Variants in LRRC37A2 observed in about 807,000 individuals in gnomAD.
LRRC37A2 encodes leucine-rich repeat-containing protein 37A2.
In LRRC37A2, 9 loss-of-function variants were observed where a neutral mutation model predicts 68.8. That is an observed-to-expected ratio of 0.13 (90% confidence interval 0.08 to 0.23). The LOEUF is 0.23. Among genes scored for constraint, LRRC37A2 ranks in the 10% least tolerant of loss-of-function variants. LRRC37A2 has a pLI of 1.00. For synonymous variants in LRRC37A2, 63 were observed against 367.6 expected (o/e 0.17, Z 9.48); for missense variants, 168 against 950.4 (o/e 0.18, Z 10.82).
At chr17:46,944,766 A>AT in the LRRC37A2 span, among the ~76,000 whole-genome samples, 1 of 151,798 alleles carries the variant, frequency 6.6e-6, no homozygotes, top group Admixed American at 6.6e-5. Flanking sequence ...CGCCCGGCTA[A>AT]TTTTTGTATT....
chr17:46,719,098 A>AT, the LRRC37A2 span, among the ~76,000 whole-genome samples: 5 of 152,226 alleles, frequency 3.3e-5, no homozygotes, highest in Admixed American at 2.6e-4. The surrounding 1 kb of genome is among the most constrained non-coding windows in gnomAD (Gnocchi z 4.3). Context: ...TTATTAAAAT[A>AT]TTTTTTGCCA....
chr17:46,844,910 G>A, the LRRC37A2 span, among the ~76,000 whole-genome samples: 27,146 of 151,794 alleles, frequency 0.18, 3,131 homozygotes, highest in East Asian at 0.5. Context: ...TGCAATGGTG[G>A]GATCTCTGCT....
the LRRC37A2 span, among the ~76,000 whole-genome samples, chr17:46,845,618 T>G: frequency 6.6e-6 from 1 of 150,510 alleles, no homozygotes; most frequent in African/African-American, 2.5e-5. Flanking sequence ...GCCTCCCGAG[T>G]AGCTGGGGAC....
chr17:46,605,470 A>G, the LRRC37A2 span, among the ~76,000 whole-genome samples: 1 of 150,492 alleles, frequency 6.6e-6, no homozygotes, highest in Non-Finnish European at 1.5e-5. Context: ...AAAAGCTGTC[A>G]GAGAAAAAAG....
the LRRC37A2 span, among the ~76,000 whole-genome samples, chr17:46,871,294 T>C: frequency 1.3e-5 from 2 of 152,136 alleles, no homozygotes; most frequent in Non-Finnish European, 2.9e-5. Flanking sequence ...ATGATGTATA[T>C]TCCACCCACA....
At chr17:47,007,087 A>T in the LRRC37A2 span, among the ~76,000 whole-genome samples, 5 of 152,362 alleles carry the variant, frequency 3.3e-5, no homozygotes, top group Admixed American at 2.6e-4. Context: ...CATTTAGGAA[A>T]AAAAGGGCAG....
the LRRC37A2 span, among the ~76,000 whole-genome samples, chr17:46,692,488 T>C: frequency 6.6e-6 from 1 of 150,938 alleles, no homozygotes; most frequent in Non-Finnish European, 1.5e-5. Flanking sequence ...CTACTGCTTC[T>C]GGGACAGTCT....
At chr17:46,906,999 T>TA in the LRRC37A2 span, among the ~76,000 whole-genome samples, 55 of 152,196 alleles carry the variant, frequency 3.6e-4, no homozygotes, top group African/African-American at 1.3e-3. Flanking sequence ...GTCAGACTAG[T>TA]ATAAGTTGTA....
the LRRC37A2 span, among the ~76,000 whole-genome samples, chr17:47,015,111 G>T: frequency 2.0e-5 from 3 of 148,814 alleles, no homozygotes; most frequent in African/African-American, 7.4e-5. Flanking sequence ...GGGTTCAAGT[G>T]ATTCTCCTAC....
chr17:46,726,468 C>T, the LRRC37A2 span: 2 of 1,268,912 alleles, frequency 1.6e-6, no homozygotes, highest in Admixed American at 3.4e-5. Context: ...TTTAGTATTG[C>T]TCAAGAAGTA....
the LRRC37A2 span, chr17:46,978,950 C>T: frequency 3.4e-6 from 5 of 1,453,326 alleles, no homozygotes; most frequent in African/African-American, 1.5e-5. Context: ...GCCCCGGCGC[C>T]GCCGCCCACG....
chr17:46,770,169 G>A, the LRRC37A2 span: 82 of 1,336,718 alleles, frequency 6.1e-5, no homozygotes, highest in Non-Finnish European at 8.0e-5. Context: ...GAGCTCACCA[G>A]CCCTGAGGCA....
the LRRC37A2 span, among the ~76,000 whole-genome samples, chr17:47,046,132 G>C: frequency 9.4e-6 from 1 of 106,150 alleles, no homozygotes; most frequent in Non-Finnish European, 1.9e-5. Flanking sequence ...TTCTACACCA[G>C]CCTGAGCAAC....
Position 46,549,241 on chromosome 17 carries a change from C to T in LRRC37A2, c.4102C>T (p.Gln1368Ter). ...TTCATCCTTAGGAGACCTGAGTCCT[C>T]AAGAAAACCCTTTTCTGGAAGTATC... Residue 1368 changes from glutamine to a stop codon, truncating the protein, a stop_gained, in exon 10 of 15, where the codon CAA (glutamine) becomes TAA (stop). Transcript: ENST00000576629. LOFTEE classifies it high-confidence loss of function. The T allele has an allele frequency of 6.2e-7, 1 of 1,611,220 alleles. No individual in the cohort carries two copies. Among genetic ancestry groups the T allele is most frequent in the East Asian group, 2.2e-5 (1 of 44,652 alleles).
the LRRC37A2 span, among the ~76,000 whole-genome samples, chr17:46,834,184 G>A: frequency 6.6e-6 from 1 of 152,154 alleles, no homozygotes; most frequent in Non-Finnish European, 1.5e-5. Flanking sequence ...GATGGAGTGA[G>A]ACCCTGTTTC....
chr17:46,785,790 G>A, the LRRC37A2 span, among the ~76,000 whole-genome samples: 3 of 152,130 alleles, frequency 2.0e-5, no homozygotes, highest in Admixed American at 6.5e-5. Flanking sequence ...AGAGGCTGCG[G>A]GCCCTGTGCT....
chr17:47,043,354 C>G, the LRRC37A2 span, among the ~76,000 whole-genome samples: 2 of 151,386 alleles, frequency 1.3e-5, no homozygotes, highest in African/African-American at 4.8e-5. Flanking sequence ...ACGGGGATGA[C>G]AGGGCATGGT....
At chr17:46,923,416 GGGCCTGGA>G in the LRRC37A2 span, 4 of 1,438,184 alleles carry the variant, frequency 2.8e-6, no homozygotes, top group African/African-American at 5.7e-5. Context: ...GTTCAGGCTG[GGGCCTGGA>G]GACGTGGGGC....
the LRRC37A2 span, among the ~76,000 whole-genome samples, chr17:46,827,638 G>T: frequency 6.6e-6 from 1 of 152,134 alleles, no homozygotes; most frequent in South Asian, 2.1e-4. Context: ...GCTGTTACTT[G>T]TAGCCAAAGG....
Sources: gnomAD v4.1 joint callset for allele counts (sites outside exome capture counted in the v4.1 genomes callset) on GRCh38, gnomAD v4.1.1 for gene constraint, Gnocchi (gnomAD v3.1) non-coding constraint, MANE v1.5 for transcripts, NCBI Gene and HGNC (gene_info 2026-07-23, HGNC 2026-07-21) for gene names.